The following PARD3B variants were observed in gnomAD, a reference collection of about 807,000 sequenced individuals.
PARD3B encodes the protein partitioning defective 3 homolog B.
In PARD3B, 103 loss-of-function variants were observed where a neutral mutation model predicts 130.2. The ratio of observed to expected loss-of-function variants is 0.79; its 90% CI spans 0.67 to 0.93. PARD3B has a LOEUF of 0.93. Among genes scored for constraint, PARD3B ranks in the 40% least tolerant of loss-of-function variants. PARD3B has a pLI of 0.00. For missense variants in PARD3B, 1,609 were observed against 1,499.2 expected, an observed-to-expected ratio of 1.07 and a Z score of -1.21; for synonymous variants, 583 against 553.2, an observed-to-expected ratio of 1.05 and a Z score of -0.76.
At chr2:204,659,750 A>T (rs192061614) in intron 1 of PARD3B, among the ~76,000 whole-genome samples, 1 of 152,292 alleles carries the variant, frequency 6.6e-6, no homozygotes, top group East Asian at 1.9e-4. Flanking sequence ...GACATCTGAG[A>T]CCATTTTATC....
chr2:204,770,894 G>A (rs1458988798), intron 2 of PARD3B, among the ~76,000 whole-genome samples: 2 of 152,000 alleles, frequency 1.3e-5, no homozygotes, highest in Admixed American at 6.6e-5. Context: ...AATCTCTTGT[G>A]CAATTTTGGC....
intron 3 of PARD3B, among the ~76,000 whole-genome samples, chr2:204,999,329 A>G (rs1029301673): frequency 2.6e-5 from 4 of 152,206 alleles, no homozygotes; most frequent in Non-Finnish European, 4.4e-5. Context: ...ATGGAAGTAT[A>G]TTTAAAATGT....
At chr2:204,644,402 C>T (rs868615498) in intron 1 of PARD3B, among the ~76,000 whole-genome samples, 12 of 151,998 alleles carry the variant, frequency 7.9e-5, no homozygotes, top group East Asian at 7.7e-4. Flanking sequence ...TCAACCCTGC[C>T]GAGGTGCCCA....
At chr2:205,248,670 G>C (rs991506803) in intron 16 of PARD3B, among the ~76,000 whole-genome samples, 12 of 141,382 alleles carry the variant, frequency 8.5e-5, no homozygotes, top group South Asian at 2.2e-4. Flanking sequence ...GCAGTGGCGC[G>C]ATCTAGGCTC....
chr2:205,054,830 C>T (rs1044788655), intron 4 of PARD3B, among the ~76,000 whole-genome samples: 3 of 152,086 alleles, frequency 2.0e-5, no homozygotes, highest in Non-Finnish European at 4.4e-5. Flanking sequence ...TTAAACAGCC[C>T]TAGCAGTCTG....
At chr2:204,802,125 G>A (rs1337694447) in intron 2 of PARD3B, among the ~76,000 whole-genome samples, 10 of 151,992 alleles carry the variant, frequency 6.6e-5, no homozygotes, top group African/African-American at 2.2e-4. Context: ...TATAATCTAC[G>A]AGGAACTTAA....
chr2:204,975,021 C>T (rs1488086078), intron 3 of PARD3B, among the ~76,000 whole-genome samples: 1 of 152,096 alleles, frequency 6.6e-6, no homozygotes, highest in East Asian at 1.9e-4. Context: ...GGATTCCAAG[C>T]CAAGTTATAT....
At chr2:205,555,742 A>C (rs2052853576) in intron 22 of PARD3B, among the ~76,000 whole-genome samples, 1 of 152,234 alleles carries the variant, frequency 6.6e-6, no homozygotes, top group South Asian at 2.1e-4. Flanking sequence ...AGACCTTTGC[A>C]GCTACCTGGC....
intron 2 of PARD3B, among the ~76,000 whole-genome samples, chr2:204,775,186 TA>T (rs1001831438): frequency 6.6e-6 from 1 of 152,068 alleles, no homozygotes; most frequent in Admixed American, 6.6e-5. Context: ...TAAATACGGA[TA>T]AAAAAAGTGT....
At chr2:204,682,569 T>G (rs1025103241) in intron 1 of PARD3B, among the ~76,000 whole-genome samples, 2 of 152,210 alleles carry the variant, frequency 1.3e-5, no homozygotes, top group South Asian at 4.1e-4. Context: ...TTCCAGTAGG[T>G]AAGATTCTTC....
At chr2:204,878,852 T>A (rs1415896246) in intron 2 of PARD3B, among the ~76,000 whole-genome samples, 2 of 152,194 alleles carry the variant, frequency 1.3e-5, no homozygotes, top group African/African-American at 4.8e-5. Flanking sequence ...ATGTCTTTTT[T>A]TAGAAAATTG....
chr2:204,636,344 A>G lies in PARD3B; in HGVS notation c.121-49837A>G, dbSNP rs553505274. 4.6e-5 allele frequency among the ~76,000 whole-genome samples: 7 copies of G among 152,164 alleles called. No homozygotes were observed. In the South Asian group the frequency reaches 1.5e-3, roughly 32 times the overall value. ...TGGAATCAAATGAAAAGTCCAGGTC[A>G]GGTTATCCAGCTAGATACAAGTGTA... On this transcript the variant is annotated intron_variant, in intron 1 of 22. Coordinates refer to ENST00000406610, the MANE Select transcript of PARD3B (RefSeq NM_001302769.2).
intron 2 of PARD3B, among the ~76,000 whole-genome samples, chr2:204,696,301 G>A (rs1448227465): frequency 6.6e-6 from 1 of 151,922 alleles, no homozygotes; most frequent in Non-Finnish European, 1.5e-5. Context: ...AGGTCAACAG[G>A]ACACTGCTCA....
intron 18 of PARD3B, among the ~76,000 whole-genome samples, chr2:205,388,609 T>C (rs1187512391): frequency 6.6e-6 from 1 of 152,204 alleles, no homozygotes; most frequent in African/African-American, 2.4e-5. Flanking sequence ...GTTGTTTAAT[T>C]CTGGATATAT....
chr2:204,882,162 C>G (rs1032761989), intron 2 of PARD3B, among the ~76,000 whole-genome samples: 7 of 152,122 alleles, frequency 4.6e-5, no homozygotes, highest in African/African-American at 1.7e-4. Context: ...ATTTTAATTT[C>G]TAAACTGGAT....
intron 1 of PARD3B, among the ~76,000 whole-genome samples, chr2:204,615,473 A>G (rs906603357): frequency 1.3e-5 from 2 of 152,212 alleles, no homozygotes; most frequent in Non-Finnish European, 2.9e-5. Flanking sequence ...CTCATTGTAC[A>G]GTATTAAAAT....
Position 205,521,576 on chromosome 2 carries a change from T to C in PARD3B, c.3180+21545T>C, listed in dbSNP as rs570638146. ...GATTTTTTTTCTTTTTCTATTAATG[T>C]GAGAGTTCATATGAATAGACTCTAA... On this transcript the variant is annotated intron_variant, in intron 21 of 22. Transcript: ENST00000406610. Among the ~76,000 whole-genome samples the C allele has an allele frequency of 3.9e-5, 6 of 152,160 alleles. No homozygotes were observed. The South Asian group carries it at 1.2e-3, about 32-fold the overall frequency.
intron 15 of PARD3B, among the ~76,000 whole-genome samples, chr2:205,225,980 T>G (rs915643735): frequency 6.6e-6 from 1 of 152,234 alleles, no homozygotes; most frequent in Non-Finnish European, 1.5e-5. Context: ...CTGTTTCTTT[T>G]GCTGAGAAGC....
At chr2:204,802,084 A>G (rs2042590981) in intron 2 of PARD3B, among the ~76,000 whole-genome samples, 1 of 152,166 alleles carries the variant, frequency 6.6e-6, no homozygotes, top group African/African-American at 2.4e-5. Flanking sequence ...AAGATTTTTG[A>G]TGTACTGCTG....
Sources: gnomAD v4.1 joint callset for allele counts (sites outside exome capture counted in the v4.1 genomes callset) on GRCh38, gnomAD v4.1.1 for gene constraint, MANE v1.5 for transcripts, NCBI Gene and HGNC (gene_info 2026-07-23, HGNC 2026-07-21) for gene names.